The following PPARA variants were observed in gnomAD, a reference collection of about 807,000 sequenced individuals.
The protein encoded by PPARA is peroxisome proliferator activated receptor alpha.
A neutral mutation model predicts 42.2 loss-of-function variants in PPARA; 22 were observed. The ratio of observed to expected loss-of-function variants is 0.52; its 90% CI spans 0.37 to 0.74. The LOEUF (loss-of-function observed/expected upper bound fraction) is 0.74. Among genes scored for constraint, PPARA ranks in the 30% least tolerant of loss-of-function variants. PPARA has a pLI of 0.00. For synonymous variants in PPARA, 242 were observed against 239.3 expected, an observed-to-expected ratio of 1.01 and a Z score of -0.10; for missense variants, 465 against 608.2, an observed-to-expected ratio of 0.76 and a Z score of 2.48.
At chr22:46,197,093 C>T (rs538830877) in intron 3 of PPARA, among the ~76,000 whole-genome samples, 47 of 151,234 alleles carry the variant, frequency 3.1e-4, no homozygotes, top group Non-Finnish European at 4.1e-4. Flanking sequence ...TCTGTCGCCC[C>T]GGCTAGAGTG....
chr22:46,189,264 A>T (rs1931226646), intron 3 of PPARA, among the ~76,000 whole-genome samples: 1 of 152,254 alleles, frequency 6.6e-6, no homozygotes, highest in African/African-American at 2.4e-5. Flanking sequence ...GAAAATTATG[A>T]AGAAGTGCTG....
chr22:46,202,803 C>T (rs1016683408), intron 4 of PPARA, among the ~76,000 whole-genome samples: 1 of 149,082 alleles, frequency 6.7e-6, no homozygotes, highest in African/African-American at 2.4e-5. Flanking sequence ...GCGGAGGTTG[C>T]AGTGAGCCAA....
In PPARA at chr22:46,235,007, T is replaced by C; in HGVS notation, c.1160-126T>C. ...CTATCTTCCAGTCAAGTTGACAATATCTAAAGGCAGCTCAGTTTTTTTCTA... is the reference window on the plus strand; with the variant it reads ...CTATCTTCCAGTCAAGTTGACAATACCTAAAGGCAGCTCAGTTTTTTTCTA... On this transcript the variant is annotated intron_variant, in intron 8 of 8. Transcript: ENST00000407236. This position sits in a 1 kb window ranked among gnomAD's most constrained non-coding sequence, Gnocchi z 7.0. 7.5e-7 allele frequency: 1 copy of C among 1,338,852 alleles called. No homozygotes were observed. Among genetic ancestry groups the C allele is most frequent in the Non-Finnish European group, 1.1e-6 (1 of 940,230 alleles). 82.9% of individuals were successfully genotyped at this position (1,338,852 alleles called of 1,614,324 possible). A position where few individuals can be genotyped will look rare whatever the true frequency, so the allele number is the denominator to read the frequency against.
chr22:46,188,443 A>G lies in PPARA; in HGVS notation c.-42-9899A>G, dbSNP rs547819834. On this transcript the variant is annotated intron_variant, in intron 3 of 8. Coordinates refer to ENST00000407236, the MANE Select transcript of PPARA (RefSeq NM_005036.6). This position sits in a 1 kb window ranked among gnomAD's most constrained non-coding sequence, Gnocchi z 5.0. ...ATTCATCTTGGGTGTCCCTTCCTGT[A>G]TGTAGGCTCCCTGGCCCTCCAGGAT... Among the ~76,000 whole-genome samples the G allele has an allele frequency of 1.3e-5, 2 of 152,142 alleles. No individual in the cohort carries two copies. The highest frequency in any genetic ancestry group is 2.4e-5 in the African/African-American group (1 of 41,514).
In PPARA at chr22:46,204,531, G is replaced by T. The variant is rs1342101786; in HGVS notation, c.208+5940G>T. On this transcript the variant is annotated intron_variant, in intron 4 of 8. Transcript: ENST00000407236. The surrounding 1 kb of genome is among the most constrained non-coding windows in gnomAD (Gnocchi z 5.2). ...TCCTCCATACCCTCATCAACATGAG[G>T]CATGATCAGTCTTTTTAATTTTAAC... Among the ~76,000 whole-genome samples the T allele has an allele frequency of 6.6e-6, 1 of 152,156 alleles. No homozygotes were observed. Among genetic ancestry groups the T allele is most frequent in the African/African-American group, 2.4e-5 (1 of 41,436 alleles).
rs1011869401 is a variant in PPARA, at chr22:46,219,060, G to A, written c.508+659G>A. Among the ~76,000 whole-genome samples the A allele has an allele frequency of 1.3e-5, 2 of 150,100 alleles. No homozygotes were observed. Among genetic ancestry groups the A allele is most frequent in the Non-Finnish European group, 3.0e-5 (2 of 67,732 alleles). ...ACCTGTAATCCCAGCTACTTGGGAG[G>A]ATGAGACAGGAGAATAGCTTGAACC... is the stretch of plus-strand genomic sequence containing the variant. On this transcript the variant is annotated intron_variant, in intron 6 of 8. Coordinates refer to ENST00000407236, the MANE Select transcript of PPARA (RefSeq NM_005036.6). The surrounding 1 kb of genome is among the most constrained non-coding windows in gnomAD (Gnocchi z 4.8).
intron 2 of PPARA, among the ~76,000 whole-genome samples, chr22:46,153,603 C>T (rs911170698): frequency 3.9e-5 from 6 of 152,066 alleles, no homozygotes; most frequent in Non-Finnish European, 8.8e-5. Context: ...TGCGGTGGCT[C>T]ACACCTGTAA....
Position 46,166,957 on chromosome 22 carries a change from G to T in PPARA, c.-126-9796G>T, listed in dbSNP as rs73460614. Among the ~76,000 whole-genome samples, 922 of 152,228 alleles carry T rather than the reference G, an allele frequency of 6.1e-3. 10 individuals are homozygous for T. Among genetic ancestry groups the T allele is most frequent in the African/African-American group, 0.021 (884 of 41,544 alleles). On this transcript the variant is annotated intron_variant, in intron 2 of 8. Transcript: ENST00000407236. Reference sequence around the variant, plus strand: ...TTGAAAAAGAACAACACAGTTGAAGGACTTAGACTACATGATTTCAAGAAT... The same window carrying T: ...TTGAAAAAGAACAACACAGTTGAAGTACTTAGACTACATGATTTCAAGAAT...
intron 6 of PPARA, 49 bp downstream of exon 6, chr22:46,218,450 C>A: frequency 6.2e-7 from 1 of 1,611,250 alleles, no homozygotes; most frequent in South Asian, 1.1e-5. Flanking sequence ...CTCAGTTCCC[C>A]TTCCTTGCTC....
chr22:46,226,229 GCA>G (rs1935444843), intron 7 of PPARA, among the ~76,000 whole-genome samples: 2 of 151,538 alleles, frequency 1.3e-5, no homozygotes, highest in African/African-American at 4.9e-5. Flanking sequence ...ACACACACGT[GCA>G]CACACATGCT....
intron 3 of PPARA, among the ~76,000 whole-genome samples, chr22:46,178,511 C>T (rs995329538): frequency 1.3e-5 from 2 of 152,138 alleles, no homozygotes; most frequent in African/African-American, 4.8e-5. Flanking sequence ...TCTTGGCAGA[C>T]TTCCTCAGTT....
chr22:46,161,034 C>T lies in PPARA; in HGVS notation c.-127+9064C>T, dbSNP rs1245264918. ...CTAAGTGAAAGTGAATATTTAACCA[C>T]ACTCAAGCACAGCTGATGATCTTTA... On this transcript the variant is annotated intron_variant, in intron 2 of 8. Transcript: ENST00000407236. The surrounding 1 kb of genome is among the most constrained non-coding windows in gnomAD (Gnocchi z 4.8). Among the ~76,000 whole-genome samples the T allele has an allele frequency of 6.6e-6, 1 of 152,162 alleles. No individual in the cohort carries two copies. The highest frequency in any genetic ancestry group is 6.5e-5 in the Admixed American group (1 of 15,272).
At chr22:46,181,602 T>G (rs1167594838) in intron 3 of PPARA, among the ~76,000 whole-genome samples, 1 of 152,150 alleles carries the variant, frequency 6.6e-6, no homozygotes, top group East Asian at 1.9e-4. Context: ...CCCCAAAGAT[T>G]GAGGGTTCTG....
In PPARA at chr22:46,239,865, T is replaced by C. The variant is rs558724560; in HGVS notation, c.*4485T>C. 1 of 265,424 alleles carries C rather than the reference T, an allele frequency of 3.8e-6. No individual in the cohort carries two copies. Among genetic ancestry groups the C allele is most frequent in the South Asian group, 1.7e-4 (1 of 5,846 alleles). The allele number at this position is 265,424 out of a possible 1,614,324, so 16.4% of individuals were successfully genotyped here. On this transcript the variant is annotated 3_prime_UTR_variant, in exon 9 of 9. Coordinates refer to ENST00000407236, the MANE Select transcript of PPARA (RefSeq NM_005036.6). ...AGCACTTCCCACCTCAAACTCCCAT[T>C]TTCAAACCACTGTATCTCTGCGCAC...
chr22:46,235,431 C>G lies in PPARA; in HGVS notation c.*51C>G, dbSNP rs1266066363. On this transcript the variant is annotated 3_prime_UTR_variant, in exon 9 of 9. Coordinates refer to ENST00000407236, the MANE Select transcript of PPARA (RefSeq NM_005036.6). This position sits in a 1 kb window ranked among gnomAD's most constrained non-coding sequence, Gnocchi z 7.0. ...TCCAGGAGTTCTGAAGCTGACAGCA[C>G]TACAAAGGAGACGGGGGAGCAGCAC... 15 of 1,604,064 alleles carry G rather than the reference C, an allele frequency of 9.4e-6. No individual in the cohort carries two copies. The highest frequency in any genetic ancestry group is 1.3e-5 in the Non-Finnish European group (15 of 1,176,308).
intron 5 of PPARA, among the ~76,000 whole-genome samples, chr22:46,215,987 C>T (rs1934449554): frequency 6.6e-6 from 1 of 152,144 alleles, no homozygotes; most frequent in Non-Finnish European, 1.5e-5. Context: ...AAACCGGTCC[C>T]TGGTGGCAAA....
Position 46,161,179 on chromosome 22 carries a change from A to G in PPARA, c.-127+9209A>G, listed in dbSNP as rs558135488. The stretch of plus-strand genomic sequence containing the variant: ...CATAAAAAGAGCTCAAAACCTAGGA[A>G]GTGGATGGAGACTCTTTTTGGAATG... On this transcript the variant is annotated intron_variant, in intron 2 of 8. Coordinates refer to ENST00000407236, the MANE Select transcript of PPARA (RefSeq NM_005036.6). The surrounding 1 kb of genome is among the most constrained non-coding windows in gnomAD (Gnocchi z 4.8). Among the ~76,000 whole-genome samples, 150 of 152,320 alleles carry G rather than the reference A, an allele frequency of 9.8e-4. No individual in the cohort carries two copies. Among genetic ancestry groups the G allele is most frequent in the African/African-American group, 3.6e-3 (148 of 41,580 alleles).
Position 46,160,342 on chromosome 22 carries a change from G to T in PPARA, c.-127+8372G>T, listed in dbSNP as rs1925974638. On this transcript the variant is annotated intron_variant, in intron 2 of 8. Coordinates refer to ENST00000407236, the MANE Select transcript of PPARA (RefSeq NM_005036.6). This position sits in a 1 kb window ranked among gnomAD's most constrained non-coding sequence, Gnocchi z 4.5. ...GATGGAGTCTCGCTCTGTCACCCAGGCCGGAGTGCAGTGGTGCGATCTCAG... is the reference window on the plus strand; with the variant it reads ...GATGGAGTCTCGCTCTGTCACCCAGTCCGGAGTGCAGTGGTGCGATCTCAG... Among the ~76,000 whole-genome samples, 1 of 152,166 alleles carries T rather than the reference G, an allele frequency of 6.6e-6. No homozygotes were observed. The highest frequency in any genetic ancestry group is 1.5e-5 in the Non-Finnish European group (1 of 68,022).
rs1377158980 is a variant in PPARA, at chr22:46,231,780, C to T, written c.712-12C>T. ...CACATCACCTGACTTACCTTGGTGT[C>T]CTCCTTTGTAGCCTTTTGTCATACA... On this transcript the variant is annotated splice_polypyrimidine_tract_variant and intron_variant, in intron 7 of 8. Coordinates refer to ENST00000407236, the MANE Select transcript of PPARA (RefSeq NM_005036.6). This position sits in a 1 kb window ranked among gnomAD's most constrained non-coding sequence, Gnocchi z 7.7. The T allele has an allele frequency of 2.5e-6, 4 of 1,611,256 alleles. No individual in the cohort carries two copies. Among genetic ancestry groups the T allele is most frequent in the Non-Finnish European group, 3.4e-6 (4 of 1,179,672 alleles).
Sources: gnomAD v4.1 joint callset for allele counts (sites outside exome capture counted in the v4.1 genomes callset) on GRCh38, gnomAD v4.1.1 for gene constraint, Gnocchi (gnomAD v3.1) non-coding constraint, MANE v1.5 for transcripts, NCBI Gene and HGNC (gene_info 2026-07-23, HGNC 2026-07-21) for gene names.